The following PTBP1 variants were observed in gnomAD, a reference collection of about 807,000 sequenced individuals.
PTBP1 encodes the protein polypyrimidine tract binding protein 1, also known as polypyrimidine tract-binding protein 1.
A neutral mutation model predicts 59.8 loss-of-function variants in PTBP1; 8 were observed. That is an observed-to-expected ratio of 0.13 (90% CI 0.08 to 0.24). The LOEUF (loss-of-function observed/expected upper bound fraction) is 0.24. Among genes scored for constraint, PTBP1 ranks in the 10% least tolerant of loss-of-function variants. The pLI is 1.00. For missense variants in PTBP1, 686 were observed against 767.0 expected, an observed-to-expected ratio of 0.89 and a Z score of 1.25; for synonymous variants, 490 against 320.7, an observed-to-expected ratio of 1.53 and a Z score of -5.64.
chr19:799,529 G>T (rs2034238685), intron 2 of PTBP1, 86 bp downstream of exon 2: 1 of 1,361,064 alleles, frequency 7.3e-7, no homozygotes, highest in Non-Finnish European at 1.1e-6. Context: ...TGTTGCGTTG[G>T]CTAGAGGGCG....
intron 13 of PTBP1, 65 bp from the exon 14 acceptor site, chr19:810,478 C>T (rs529509401): frequency 3.9e-5 from 55 of 1,420,640 alleles, no homozygotes; most frequent in African/African-American, 2.0e-4. Context: ...GGGAAAGCCT[C>T]GCGGACCTGA....
chr19:797,771 C>T lies in PTBP1; in HGVS notation c.8+266C>T, dbSNP rs879206622. On this transcript the variant is annotated intron_variant, in intron 1 of 14. Transcript: ENST00000356948. The stretch of plus-strand genomic sequence containing the variant: ...AGCGCACGCGGCCTCCCGCGCCCCT[C>T]CCCCTCCGCGCGCGTCCCCGCACTT... Among the ~76,000 whole-genome samples the T allele has an allele frequency of 3.4e-5, 5 of 148,506 alleles. No homozygotes were observed. In the South Asian group the frequency reaches 6.2e-4, roughly 18 times the overall value.
chr19:799,737 C>T (rs2034248132), intron 2 of PTBP1, among the ~76,000 whole-genome samples: 1 of 152,222 alleles, frequency 6.6e-6, no homozygotes, highest in Non-Finnish European at 1.5e-5. Flanking sequence ...GCCTTTGGAA[C>T]TTCTGCCTCT....
At chr19:809,530 C>G (rs918200471) in intron 13 of PTBP1, among the ~76,000 whole-genome samples, 1 of 152,004 alleles carries the variant, frequency 6.6e-6, no homozygotes, top group South Asian at 2.1e-4. Context: ...CTGTGTTAGC[C>G]AGGATGGTGT....
intron 2 of PTBP1, among the ~76,000 whole-genome samples, chr19:801,614 T>A (rs2034337088): frequency 6.6e-6 from 1 of 152,248 alleles, no homozygotes; most frequent in South Asian, 2.1e-4. Flanking sequence ...GGACCAGCCC[T>A]GGTGTCCTGG....
Position 804,894 on chromosome 19 carries a change from C to T in PTBP1, c.672C>T (p.Ala224=), listed in dbSNP as rs201780487. 1.5e-5 allele frequency: 24 copies of T among 1,613,858 alleles called. No homozygotes were observed. In the African/African-American group the frequency reaches 2.1e-4, roughly 14 times the overall value. The change falls in exon 7 of 15, where the codon GCC becomes GCT. Residue 224 remains alanine, a synonymous_variant. Transcript: ENST00000356948. Reference sequence around the variant, plus strand: ...TCACCAAGAACAACCAGTTCCAGGCCCTGCTGCAGTATGCGGACCCCGTGA... The same window carrying T: ...TCACCAAGAACAACCAGTTCCAGGCTCTGCTGCAGTATGCGGACCCCGTGA... ...ITFTKNNQFQ[A]LLQYADPVSA... is the part of the protein sequence containing the mutation.
At chr19:799,508 C>A (rs2034237613) in intron 2 of PTBP1, 65 bp downstream of exon 2, 17 of 1,516,700 alleles carry the variant, frequency 1.1e-5, no homozygotes, top group Non-Finnish European at 1.6e-5. Flanking sequence ...CCGGGGGCCA[C>A]CCCCCAGCGC....
intron 1 of PTBP1, among the ~76,000 whole-genome samples, chr19:797,828 C>G (rs1003048537): frequency 6.7e-6 from 1 of 148,628 alleles, no homozygotes; most frequent in Non-Finnish European, 1.5e-5. Context: ...GCGCGCGGCC[C>G]TTCCCGCTTC....
At chr19:803,960 C>G in intron 3 of PTBP1, 76 bp from the exon 4 acceptor site, 5 of 1,567,226 alleles carry the variant, frequency 3.2e-6, no homozygotes, top group Non-Finnish European at 2.6e-6. Context: ...AGGCAGGGCT[C>G]TAGGGGGATA....
intron 13 of PTBP1, among the ~76,000 whole-genome samples, chr19:810,230 C>G (rs1230620920): frequency 6.6e-6 from 1 of 152,226 alleles, no homozygotes; most frequent in Non-Finnish European, 1.5e-5. Flanking sequence ...TCACTTGAAC[C>G]TGCAGGCGGA....
chr19:806,758 C>T lies in PTBP1; in HGVS notation c.1119+202C>T, dbSNP rs537284410. Reference sequence around the variant, plus strand: ...CTTTTCCTGAATTCACATCTTGGTTCGCGTTTTCTCTTGCATGATACGCAG... The same window carrying T: ...CTTTTCCTGAATTCACATCTTGGTTTGCGTTTTCTCTTGCATGATACGCAG... On this transcript the variant is annotated intron_variant, in intron 10 of 14. Coordinates refer to ENST00000356948, the MANE Select transcript of PTBP1 (RefSeq NM_002819.5). 1.8e-4 allele frequency: 89 copies of T among 505,784 alleles called. No individual in the cohort carries two copies. The African/African-American group carries it at 1.8e-3, about 10-fold the overall frequency. 31.3% of individuals were successfully genotyped at this position (505,784 alleles called of 1,614,324 possible).
At chr19:806,014 T>C (rs1249784273) in intron 9 of PTBP1, 1 of 247,268 alleles carries the variant, frequency 4.0e-6, no homozygotes, top group Non-Finnish European at 7.7e-6. Flanking sequence ...GTGCTGGCCG[T>C]GGACGGAGCA....
intron 1 of PTBP1, among the ~76,000 whole-genome samples, chr19:798,722 G>A (rs544298017): frequency 2.6e-5 from 4 of 152,014 alleles, no homozygotes; most frequent in African/African-American, 4.8e-5. Flanking sequence ...GAGAAGCCGT[G>A]GGGAGCTCAC....
Position 806,504 on chromosome 19 carries a change from G to T in PTBP1, c.1067G>T (p.Gly356Val), listed in dbSNP as rs1299540664. The change falls in exon 10 of 15, where the codon GGC becomes GTC. Residue 356 changes from glycine (G) to valine (V), a missense_variant. Physicochemically the swap from Gly to Val is moderately radical, Grantham distance 109 (BLOSUM62 -3). Coordinates refer to ENST00000356948, the MANE Select transcript of PTBP1 (RefSeq NM_002819.5). ...GCGGCAGGTCGGATCGCCATCCCGG[G>T]CCTGGCGGGGGCAGGAAATTCTGTA... ...AAAAGRIAIP[G>V]LAGAGNSVLL... 6.4e-7 allele frequency: 1 copy of T among 1,573,408 alleles called. No individual in the cohort carries two copies. Among genetic ancestry groups the T allele is most frequent in the Non-Finnish European group, 8.6e-7 (1 of 1,162,506 alleles).
chr19:810,665 G>C (rs760439876), intron 14 of PTBP1, 29 bp from the exon 15 acceptor site: 11 of 1,611,836 alleles, frequency 6.8e-6, no homozygotes, highest in African/African-American at 1.3e-5. Context: ...AGGCTGCCCT[G>C]CGGCCGGCCC....
Position 810,932 on chromosome 19 carries a change from T to C in PTBP1, c.*106T>C. 8.5e-7 allele frequency: 1 copy of C among 1,180,436 alleles called. No individual in the cohort carries two copies. The highest frequency in any genetic ancestry group is 2.8e-5 in the East Asian group (1 of 35,850). 73.1% of individuals were successfully genotyped at this position (1,180,436 alleles called of 1,614,324 possible). A position where few individuals can be genotyped will look rare whatever the true frequency, so the allele number is the denominator to read the frequency against. ...TGACCTTAGCAGACCAGAGATTTTA[T>C]TTTTTTAAAGAGAAATCAGTTTACC... On this transcript the variant is annotated 3_prime_UTR_variant, in exon 15 of 15. Coordinates refer to ENST00000356948, the MANE Select transcript of PTBP1 (RefSeq NM_002819.5).
intron 6 of PTBP1, 59 bp from the exon 7 acceptor site, chr19:804,770 G>T: frequency 2.5e-6 from 4 of 1,606,292 alleles, no homozygotes; most frequent in Non-Finnish European, 3.4e-6. Flanking sequence ...ACACGGGAGG[G>T]GCCTGGCAGG....
rs1331452215 is a variant in PTBP1 at position 804,025 on chromosome 19, C to T, written c.116-11C>T. 6.2e-7 allele frequency: 1 copy of T among 1,613,796 alleles called. No individual in the cohort carries two copies. The highest frequency in any genetic ancestry group is 1.3e-5 in the African/African-American group (1 of 75,012). On this transcript the variant is annotated splice_polypyrimidine_tract_variant and intron_variant, in intron 3 of 14. Coordinates refer to ENST00000356948, the MANE Select transcript of PTBP1 (RefSeq NM_002819.5). ...AGTTGGTGCCTGCATCTCATGGCAC[C>T]CCCTTTTCAGCAAACGGAAATGACA...
At chr19:802,258 G>A (rs2034367205) in intron 2 of PTBP1, among the ~76,000 whole-genome samples, 1 of 152,210 alleles carries the variant, frequency 6.6e-6, no homozygotes, top group African/African-American at 2.4e-5. Context: ...GGCTTTGGAG[G>A]CTCGGGCAGT....
Sources: allele counts gnomAD v4.1 joint callset (sites outside exome capture counted in the v4.1 genomes callset), GRCh38; gene constraint gnomAD v4.1.1; transcripts MANE v1.5; gene names NCBI Gene and HGNC (gene_info 2026-07-23, HGNC 2026-07-21).